Variants in ANK3 observed in about 807,000 individuals in gnomAD.
ANK3 encodes ankyrin-3.
Under a neutral mutation model 370.9 loss-of-function variants are expected in ANK3, and 57 were observed. The observed-to-expected ratio is 0.15, with a 90% confidence interval of 0.12 to 0.19. The LOEUF (loss-of-function observed/expected upper bound fraction) is 0.19, where lower values mean the gene tolerates loss of function less well. Among genes scored for constraint, ANK3 ranks in the 10% least tolerant of loss-of-function variants. The pLI, the probability that ANK3 is intolerant of heterozygous loss-of-function variation, is 1.00. For synonymous variants in ANK3, 1,929 were observed against 1,946.3 expected (o/e 0.99, Z 0.23); for missense variants, 4,439 against 5,302.1 (o/e 0.84, Z 5.06).
At chr10:60,439,093 T>C (rs1290056386) in intron 2 of ANK3, among the ~76,000 whole-genome samples, 4 of 152,166 alleles carry the variant, frequency 2.6e-5, no homozygotes, top group African/African-American at 9.7e-5. Flanking sequence ...AAAGAGCTAT[T>C]CCAAAGCTGC....
At chr10:60,275,288 T>C (rs1032700096) in intron 4 of ANK3, among the ~76,000 whole-genome samples, 2 of 152,152 alleles carry the variant, frequency 1.3e-5, no homozygotes, top group African/African-American at 4.8e-5. Context: ...GCTCTGAATG[T>C]TTATAGTGGT....
In ANK3 at chr10:60,625,294, A is replaced by G. The variant is rs117881784; in HGVS notation, c.58-10070T>C. ...CAAGAGACAAGAACCCCACAGAGCCATGAGAGATGATAATGCATTGTTGTT... is the reference window on the plus strand; with the variant it reads ...CAAGAGACAAGAACCCCACAGAGCCGTGAGAGATGATAATGCATTGTTGTT... On this transcript the variant is annotated intron_variant, in intron 1 of 43. Coordinates refer to the ANK3 transcript ENST00000373827. Among the ~76,000 whole-genome samples, 44 of 152,322 alleles carry G rather than the reference A, an allele frequency of 2.9e-4. No homozygotes were observed. In the East Asian group the frequency reaches 8.3e-3, roughly 29 times the overall value.
chr10:60,032,954 G>A (rs1014948795), intron 43 of ANK3, among the ~76,000 whole-genome samples: 1 of 152,198 alleles, frequency 6.6e-6, no homozygotes, highest in African/African-American at 2.4e-5. Flanking sequence ...GGTATAAACT[G>A]TGATGACAGC....
At chr10:60,095,299 C>G (rs1220455884) in intron 28 of ANK3, among the ~76,000 whole-genome samples, 1 of 152,242 alleles carries the variant, frequency 6.6e-6, no homozygotes, top group East Asian at 1.9e-4. Flanking sequence ...AGACACTTTT[C>G]ACATCAAACA....
intron 17 of ANK3, among the ~76,000 whole-genome samples, chr10:60,182,280 T>C (rs2096215485): frequency 6.6e-6 from 1 of 152,168 alleles, no homozygotes; most frequent in South Asian, 2.1e-4. Flanking sequence ...CTGTGAAATG[T>C]AATGTGAATG....
chr10:60,059,270 A>C, intron 41 of ANK3, 70 bp downstream of exon 41: 1 of 1,351,028 alleles, frequency 7.4e-7, no homozygotes, highest in Non-Finnish European at 1.1e-6. Context: ...CACCACTAAA[A>C]AGCATGTATT....
chr10:60,590,916 T>A (rs2077901008), intron 2 of ANK3, among the ~76,000 whole-genome samples: 3 of 152,232 alleles, frequency 2.0e-5, no homozygotes, highest in Admixed American at 2.0e-4. Flanking sequence ...ATCCACAGTT[T>A]GTTGAATACG....
At chr10:60,334,518 A>G (rs191012681) in intron 1 of ANK3, among the ~76,000 whole-genome samples, 1 of 152,260 alleles carries the variant, frequency 6.6e-6, no homozygotes, top group East Asian at 1.9e-4. Flanking sequence ...GAAGACCCAG[A>G]TGAGTTTCCT....
At position 60,064,228 on chromosome 10, in the gene ANK3, G is replaced by C. The variant is rs777789388; in HGVS notation, c.12380C>G (p.Pro4127Arg). 6.3e-7 allele frequency: 1 copy of C among 1,580,370 alleles called. No individual in the cohort carries two copies. The highest frequency in any genetic ancestry group is 8.5e-7 in the Non-Finnish European group (1 of 1,169,956). ...GAAGCTCTGAGAAATTAAAGAATTT[G>C]GATTTTCCACACGTATTTGATTGAT... ...DEINQIRVEN[P>R]NSLISQSFML... The change falls in exon 39 of 44, where the codon CCA (proline) becomes CGA (arginine). Residue 4127 changes from proline (P) to arginine (R), a missense_variant. Coordinates refer to ENST00000280772, the MANE Select transcript of ANK3 (RefSeq NM_020987.5).
At chr10:60,371,413 CTA>C (rs1240166406) in intron 1 of ANK3, among the ~76,000 whole-genome samples, 1 of 151,976 alleles carries the variant, frequency 6.6e-6, no homozygotes, top group African/African-American at 2.4e-5. Context: ...AACTGTAAGA[CTA>C]TTTTAATTAT....
chr10:60,249,821 T>C (rs1443139099), intron 7 of ANK3, among the ~76,000 whole-genome samples: 1 of 152,082 alleles, frequency 6.6e-6, no homozygotes, highest in Non-Finnish European at 1.5e-5. Flanking sequence ...CTGAGCACCG[T>C]GCTGACTCTC....
chr10:60,551,925 G>C (rs1453317928), intron 2 of ANK3, among the ~76,000 whole-genome samples: 3 of 152,182 alleles, frequency 2.0e-5, no homozygotes, highest in African/African-American at 7.2e-5. Context: ...CAATATGGGA[G>C]ATGATGCAGC....
intron 1 of ANK3, among the ~76,000 whole-genome samples, chr10:60,618,847 C>T (rs1488283554): frequency 6.6e-6 from 1 of 152,108 alleles, no homozygotes; most frequent in Admixed American, 6.6e-5. Flanking sequence ...AGTTTGGCTC[C>T]TATTCACCTG....
chr10:60,442,096 C>CTT (rs34573283), intron 2 of ANK3, among the ~76,000 whole-genome samples: 19,061 of 134,846 alleles, frequency 0.14, 1,494 homozygotes, highest in African/African-American at 0.18. Flanking sequence ...CTCCCATATA[C>CTT]TTTTTTTTTT....
At chr10:60,291,448 T>C (rs1475911167) in intron 1 of ANK3, among the ~76,000 whole-genome samples, 3 of 152,150 alleles carry the variant, frequency 2.0e-5, no homozygotes, top group African/African-American at 7.2e-5. Flanking sequence ...GGTATCTTAC[T>C]GTGCTGCAGA....
chr10:60,079,785 G>A (rs1248256491), intron 36 of ANK3, among the ~76,000 whole-genome samples: 1 of 152,100 alleles, frequency 6.6e-6, no homozygotes, highest in Non-Finnish European at 1.5e-5. Flanking sequence ...CAGAGGTGAT[G>A]ATTACAAGGA....
At position 60,076,229 on chromosome 10, in the gene ANK3, G is replaced by C. The variant is rs375900438; in HGVS notation, c.4652C>G (p.Ser1551Cys). Residue 1551 changes from serine to cysteine, a missense_variant, in exon 37 of 44, where the codon TCC becomes TGC. Physicochemically the swap from Ser to Cys is moderately radical, Grantham distance 112. This residue lies in a region of ANK3 where 679 missense variants were observed against 791.0 expected (regional missense o/e 0.86). Transcript: ENST00000280772. ...WSVSTPSPIK[S>C]TLGASTTSSV... ...AGATGTAGTTGACGCGCCTAATGTG[G>C]ATTTGATTGGAGAAGGTGTCGAAAC... The C allele has an allele frequency of 4.3e-6, 7 of 1,614,020 alleles. No homozygotes were observed. The African/African-American group carries it at 6.7e-5, about 15-fold the overall frequency.
At chr10:60,194,470 C>G (rs1490606091) in intron 16 of ANK3, among the ~76,000 whole-genome samples, 2 of 152,224 alleles carry the variant, frequency 1.3e-5, no homozygotes, top group Non-Finnish European at 2.9e-5. Context: ...ATAAATTTGA[C>G]TACTCTATAT....
Position 60,183,923 on chromosome 10 carries a change from T to C in ANK3, c.2086-2496A>G, listed in dbSNP as rs2132353782. 1.3e-5 allele frequency among the ~76,000 whole-genome samples: 2 copies of C among 151,816 alleles called. 1 individual carries two copies. Among genetic ancestry groups the C allele is most frequent in the South Asian group, 4.2e-4 (2 of 4,800 alleles). On this transcript the variant is annotated intron_variant, in intron 17 of 43. Transcript: ENST00000280772. ...CATCAAATTAAAATAGCAACATCTC[T>C]GTTTAATATTCTTTCAGTTGTATAA...
Sources: allele counts gnomAD v4.1 joint callset (sites outside exome capture counted in the v4.1 genomes callset), GRCh38; gene constraint gnomAD v4.1.1; regional missense constraint gnomAD v4.1.1; transcripts MANE v1.5; gene names NCBI Gene and HGNC (gene_info 2026-07-23, HGNC 2026-07-21).